The following KCNAB1 variants were observed in gnomAD, a reference collection of about 807,000 sequenced individuals.
KCNAB1 encodes potassium voltage-gated channel subfamily A regulatory beta subunit 1, also known as voltage-gated potassium channel subunit beta-1.
In KCNAB1, 35 loss-of-function variants were observed where a neutral mutation model predicts 64.6. The observed-to-expected ratio is 0.54, with a 90% CI of 0.41 to 0.72. The LOEUF is 0.72. Ranked by LOEUF, KCNAB1 falls within the 30% of genes least tolerant of loss-of-function variation. The pLI is 0.00. For missense variants in KCNAB1, 401 were observed against 512.9 expected, an observed-to-expected ratio of 0.78 and a Z score of 2.11; for synonymous variants, 177 against 183.8, an observed-to-expected ratio of 0.96 and a Z score of 0.30.
intron 1 of KCNAB1, among the ~76,000 whole-genome samples, chr3:156,337,184 T>C (rs1483468986): frequency 6.6e-6 from 1 of 152,146 alleles, no homozygotes; most frequent in Non-Finnish European, 1.5e-5. Context: ...TAAAATTGCA[T>C]TATATGCAAG....
intron 1 of KCNAB1, chr3:156,175,848 G>A: frequency 1.5e-6 from 1 of 681,782 alleles, no homozygotes. Context: ...TAGCCTTGGA[G>A]TCTTCCATTC....
chr3:156,237,400 A>G (rs553504565), intron 1 of KCNAB1, among the ~76,000 whole-genome samples: 217 of 152,372 alleles, frequency 1.4e-3, no homozygotes, highest in African/African-American at 5.1e-3. Context: ...TGTTAATTGA[A>G]GAAATATTAG....
chr3:156,230,362 T>C (rs1256780448), intron 1 of KCNAB1, among the ~76,000 whole-genome samples: 1 of 152,202 alleles, frequency 6.6e-6, no homozygotes, highest in Non-Finnish European at 1.5e-5. Flanking sequence ...CTTTGTAGTC[T>C]AGGAGCCATG....
chr3:156,320,952 T>C lies in KCNAB1; in HGVS notation c.276-100664T>C, dbSNP rs146844298. Among the ~76,000 whole-genome samples the C allele has an allele frequency of 4.6e-3, 707 of 152,092 alleles. 5 individuals are homozygous for C. Among genetic ancestry groups the C allele is most frequent in the Non-Finnish European group, 7.9e-3 (540 of 68,000 alleles). ...CATGTATTTATTCAACCAATAGTCT[T>C]TGAGAGCTTACTGTGTGTCATACAC... On this transcript the variant is annotated intron_variant, in intron 1 of 13. Transcript: ENST00000490337.
chr3:156,396,219 T>A (rs1474420281), intron 1 of KCNAB1, among the ~76,000 whole-genome samples: 3 of 152,230 alleles, frequency 2.0e-5, no homozygotes, highest in African/African-American at 7.2e-5. Flanking sequence ...ATGATTTTTT[T>A]ATGCATAGCT....
intron 1 of KCNAB1, among the ~76,000 whole-genome samples, chr3:156,401,209 A>T (rs1713865848): frequency 6.6e-6 from 1 of 152,250 alleles, no homozygotes; most frequent in Admixed American, 6.5e-5. Flanking sequence ...ACTGAAGTAG[A>T]ATGTAAACAG....
Position 156,310,571 on chromosome 3 carries a change from A to AGG in KCNAB1, c.276-111040_276-111039dup, listed in dbSNP as rs542349258. On this transcript the variant is annotated intron_variant, in intron 1 of 13. Coordinates refer to ENST00000490337, the MANE Select transcript of KCNAB1 (RefSeq NM_172160.3). Reference sequence around the variant, plus strand: ...GTAATCCCAGCACTTTGGGAGGCCAAGGGGGGCAGATCACGAGGTCAGGAG... The same window carrying AGG: ...GTAATCCCAGCACTTTGGGAGGCCAAGGGGGGGGCAGATCACGAGGTCAGGAG... 6.6e-5 allele frequency among the ~76,000 whole-genome samples: 10 copies of AGG among 152,248 alleles called. No homozygotes were observed. The South Asian group carries it at 1.7e-3, about 25-fold the overall frequency.
intron 1 of KCNAB1, among the ~76,000 whole-genome samples, chr3:156,216,108 T>C (rs1049231222): frequency 2.6e-5 from 4 of 152,230 alleles, no homozygotes; most frequent in African/African-American, 4.8e-5. Flanking sequence ...TCAGAAGCAC[T>C]GTTGAGGTCT....
At chr3:156,427,900 A>G (rs944068365) in intron 2 of KCNAB1, among the ~76,000 whole-genome samples, 1 of 152,224 alleles carries the variant, frequency 6.6e-6, no homozygotes, top group Non-Finnish European at 1.5e-5. Flanking sequence ...CATTAGGAGC[A>G]GTAGGCCGGT....
At chr3:156,243,174 C>T (rs1164020587) in intron 1 of KCNAB1, among the ~76,000 whole-genome samples, 1 of 152,054 alleles carries the variant, frequency 6.6e-6, no homozygotes, top group African/African-American at 2.4e-5. Flanking sequence ...TCCCAAAGTG[C>T]TGGGATTACA....
intron 1 of KCNAB1, among the ~76,000 whole-genome samples, chr3:156,376,963 T>C (rs150582072): frequency 5.4e-4 from 82 of 152,262 alleles, no homozygotes; most frequent in African/African-American, 1.8e-3. Flanking sequence ...GGGACTCTTA[T>C]TTTGTGTCAA....
intron 1 of KCNAB1, among the ~76,000 whole-genome samples, chr3:156,230,331 G>C (rs947465713): frequency 1.2e-4 from 19 of 152,182 alleles, no homozygotes; most frequent in African/African-American, 4.6e-4. Context: ...ATGGTATTCA[G>C]TAGAGTAACA....
At chr3:156,459,402 A>C (rs1712715100) in intron 4 of KCNAB1, among the ~76,000 whole-genome samples, 2 of 152,130 alleles carry the variant, frequency 1.3e-5, no homozygotes, top group East Asian at 1.9e-4. Flanking sequence ...TATACCTGGG[A>C]GCAAATATTT....
chr3:156,321,199 G>A (rs1454116755), intron 1 of KCNAB1, among the ~76,000 whole-genome samples: 2 of 152,102 alleles, frequency 1.3e-5, no homozygotes, highest in Admixed American at 1.3e-4. Context: ...TAGAGCAAAT[G>A]TTTCTGTGCT....
chr3:156,167,671 T>TAACAAC (rs60743324), intron 1 of KCNAB1, among the ~76,000 whole-genome samples: 1 of 152,070 alleles, frequency 6.6e-6, no homozygotes, highest in Non-Finnish European at 1.5e-5. Context: ...ACAAACTTTT[T>TAACAAC]AACAACAACA....
chr3:156,440,179 G>A (rs577685796), intron 2 of KCNAB1, among the ~76,000 whole-genome samples: 2 of 152,254 alleles, frequency 1.3e-5, no homozygotes, highest in South Asian at 2.1e-4. Flanking sequence ...TGTTAATCTC[G>A]AAACTGTCTC....
At chr3:156,514,501 T>C in intron 9 of KCNAB1, 52 bp downstream of exon 9, 3 of 1,329,180 alleles carry the variant, frequency 2.3e-6, no homozygotes, top group Non-Finnish European at 2.2e-6. Context: ...TTATTGCTTT[T>C]CAGATGCCAT....
At chr3:156,291,402 G>A (rs1720406046) in intron 1 of KCNAB1, 2 of 998,716 alleles carry the variant, frequency 2.0e-6, no homozygotes, top group Non-Finnish European at 2.4e-6. Context: ...CCGCGCGCCA[G>A]TTGAGCATCC....
chr3:156,280,661 T>A (rs1346097213), intron 1 of KCNAB1, among the ~76,000 whole-genome samples: 1 of 151,054 alleles, frequency 6.6e-6, no homozygotes, highest in African/African-American at 2.4e-5. Context: ...TGGTTTGTAG[T>A]TCTCCTTGAA....
Sources: allele counts gnomAD v4.1 joint callset (sites outside exome capture counted in the v4.1 genomes callset), GRCh38; gene constraint gnomAD v4.1.1; transcripts MANE v1.5; gene names NCBI Gene and HGNC (gene_info 2026-07-23, HGNC 2026-07-21).